RNF216: variants seen among roughly 807,000 people sequenced by gnomAD.
RNF216 encodes E3 ubiquitin-protein ligase RNF216.
RNF216 carries 72 observed loss-of-function variants against 110.8 expected under a neutral mutation model. The observed-to-expected ratio is 0.65, with a 90% CI of 0.54 to 0.79. The LOEUF (loss-of-function observed/expected upper bound fraction) is 0.79. Ranked by LOEUF, RNF216 falls within the 30% of genes least tolerant of loss-of-function variation. The pLI, the probability that RNF216 is intolerant of heterozygous loss-of-function variation, is 0.00. For synonymous variants in RNF216, 495 were observed against 407.5 expected, an observed-to-expected ratio of 1.21 and a Z score of -2.59; for missense variants, 1,342 against 1,141.2, an observed-to-expected ratio of 1.18 and a Z score of -2.54.
intron 13 of RNF216, among the ~76,000 whole-genome samples, chr7:5,689,101 G>A (rs747975314): frequency 1.7e-4 from 26 of 152,064 alleles, no homozygotes; most frequent in Non-Finnish European, 3.5e-4. Context: ...CTATTATATG[G>A]CACCACCATC....
At position 5,660,053 on chromosome 7, in the gene RNF216, C is replaced by T. The variant is rs1485727132; in HGVS notation, c.2062-7543G>A. ...CACTATAACCTTGACCTCCTGGGTG[C>T]AAGCAATTCTCCCGCCTCTATCTTC... is the stretch of plus-strand genomic sequence containing the variant. On this transcript the variant is annotated intron_variant, in intron 13 of 16. Coordinates refer to ENST00000389902, the MANE Select transcript of RNF216 (RefSeq NM_207111.4). 2.7e-5 allele frequency among the ~76,000 whole-genome samples: 4 copies of T among 149,466 alleles called. No homozygotes were observed. In the Admixed American group the frequency reaches 2.7e-4, roughly 10 times the overall value.
At chr7:5,701,643 G>A (rs1249999555) in intron 13 of RNF216, among the ~76,000 whole-genome samples, 1 of 152,220 alleles carries the variant, frequency 6.6e-6, no homozygotes, top group African/African-American at 2.4e-5. Flanking sequence ...GCTAGTGAGT[G>A]GAGGAGCTAG....
At chr7:5,754,904 T>C (rs1427756292) in intron 2 of RNF216, among the ~76,000 whole-genome samples, 1 of 151,942 alleles carries the variant, frequency 6.6e-6, no homozygotes, top group African/African-American at 2.4e-5. Flanking sequence ...GGCATGCAAC[T>C]GTAATCCCAG....
chr7:5,674,765 GT>G (rs1274219720), intron 13 of RNF216, among the ~76,000 whole-genome samples: 3 of 152,120 alleles, frequency 2.0e-5, no homozygotes, highest in Non-Finnish European at 4.4e-5. Flanking sequence ...GGAGGCCGAG[GT>G]TGGCAGATCA....
chr7:5,722,231 G>A (rs1793470764), intron 8 of RNF216, among the ~76,000 whole-genome samples: 1 of 151,776 alleles, frequency 6.6e-6, no homozygotes, highest in African/African-American at 2.4e-5. Flanking sequence ...GCCAATTTAT[G>A]TTTTTCTAGA....
At chr7:5,654,142 A>T (rs1481979226) in intron 13 of RNF216, among the ~76,000 whole-genome samples, 1 of 152,224 alleles carries the variant, frequency 6.6e-6, no homozygotes, top group East Asian at 1.9e-4. Context: ...CTCAGGAGAG[A>T]GGCCATGAAG....
chr7:5,715,007 C>G, intron 11 of RNF216, 46 bp downstream of exon 11: 11 of 1,552,924 alleles, frequency 7.1e-6, no homozygotes, highest in Non-Finnish European at 9.6e-6. Context: ...TCCTTAGACT[C>G]CAGGAATGTG....
At chr7:5,763,602 T>G (rs981388575) in intron 1 of RNF216, among the ~76,000 whole-genome samples, 1 of 152,064 alleles carries the variant, frequency 6.6e-6, no homozygotes, top group Non-Finnish European at 1.5e-5. Flanking sequence ...AGCCAGTCTC[T>G]CTCTGTCATC....
At chr7:5,727,575 TA>T in intron 7 of RNF216, among the ~76,000 whole-genome samples, 3 of 152,038 alleles carry the variant, frequency 2.0e-5, no homozygotes, top group African/African-American at 7.2e-5. Flanking sequence ...AAAAATGAAA[TA>T]AAAAGATCAT....
chr7:5,766,383 A>G (rs1359604824), intron 1 of RNF216, among the ~76,000 whole-genome samples: 1 of 152,162 alleles, frequency 6.6e-6, no homozygotes, highest in Non-Finnish European at 1.5e-5. Flanking sequence ...AAATTCCTAT[A>G]TTGAAGCTCT....
chr7:5,705,640 T>C (rs1792230758), intron 13 of RNF216, among the ~76,000 whole-genome samples: 1 of 152,006 alleles, frequency 6.6e-6, no homozygotes, highest in African/African-American at 2.4e-5. Context: ...CTGGGCACGG[T>C]GGCTCACCCT....
chr7:5,718,736 A>G (rs1294146973), intron 9 of RNF216, among the ~76,000 whole-genome samples: 1 of 152,072 alleles, frequency 6.6e-6, no homozygotes, highest in Non-Finnish European at 1.5e-5. Flanking sequence ...TAGTAGAGAC[A>G]GAGTTTTGCC....
intron 13 of RNF216, among the ~76,000 whole-genome samples, chr7:5,674,267 A>G (rs1406219017): frequency 6.6e-6 from 1 of 151,932 alleles, no homozygotes; most frequent in East Asian, 1.9e-4. Flanking sequence ...TGACCTCATG[A>G]TCCACCCACC....
intron 13 of RNF216, among the ~76,000 whole-genome samples, chr7:5,694,770 A>G (rs939467027): frequency 6.6e-6 from 1 of 152,222 alleles, no homozygotes; most frequent in Non-Finnish European, 1.5e-5. Context: ...CTGGTCTGCC[A>G]GGGTGCACTG....
chr7:5,727,401 C>T (rs1455195274), intron 7 of RNF216, among the ~76,000 whole-genome samples: 2 of 152,142 alleles, frequency 1.3e-5, no homozygotes, highest in Non-Finnish European at 2.9e-5. Flanking sequence ...ATAAGTCTAC[C>T]ATCTACATTT....
rs1452247720 is a variant in RNF216 at position 5,721,118 on chromosome 7, C to A, written c.1559G>T (p.Cys520Phe). 2.5e-6 allele frequency: 4 copies of A among 1,613,988 alleles called. No homozygotes were observed. Among genetic ancestry groups the A allele is most frequent in the Non-Finnish European group, 3.4e-6 (4 of 1,179,838 alleles). Residue 520 changes from cysteine to phenylalanine, a missense_variant, in exon 9 of 17, where the codon TGT (cysteine) becomes TTT (phenylalanine). Cys to Phe is a radical substitution (Grantham distance 205, BLOSUM62 -2). Transcript: ENST00000389902. ...GAGAGCACGTCGGTCATAGGACCTA[C>A]AATGTCGTCGCTTATTTTCAAGAAA... Reference protein sequence around the residue: ...MFFLENKRRHCRSYDRRALLP... With the variant: ...MFFLENKRRHFRSYDRRALLP...
chr7:5,652,678 G>A (rs930549761), intron 13 of RNF216, among the ~76,000 whole-genome samples, 168 bp from the exon 14 acceptor site: 1 of 152,138 alleles, frequency 6.6e-6, no homozygotes, highest in Non-Finnish European at 1.5e-5. Context: ...AATAGAAGAG[G>A]TTAAGAGGTG....
At chr7:5,679,887 G>C (rs1412995337) in intron 13 of RNF216, among the ~76,000 whole-genome samples, 1 of 152,186 alleles carries the variant, frequency 6.6e-6, no homozygotes, top group Non-Finnish European at 1.5e-5. Context: ...AGAGTCCCTG[G>C]GCAGGTGAGC....
rs1055100221 is a variant in RNF216, at chr7:5,729,652, G to A, written c.1225-56C>T. ...GCCAGGCAGTACATTTCCCATACAG[G>A]GGAAATCATTTTAAGAATTACATGT... On this transcript the variant is annotated intron_variant, in intron 6 of 16. Transcript: ENST00000389902. 23 of 1,409,470 alleles carry A rather than the reference G, an allele frequency of 1.6e-5. No homozygotes were observed. The South Asian group carries it at 2.4e-4, about 15-fold the overall frequency. 87.3% of individuals were successfully genotyped at this position (1,409,470 alleles called of 1,614,324 possible). A position where few individuals can be genotyped will look rare whatever the true frequency, so the allele number is the denominator to read the frequency against.
Sources: gnomAD v4.1 joint callset for allele counts (sites outside exome capture counted in the v4.1 genomes callset) on GRCh38, gnomAD v4.1.1 for gene constraint, MANE v1.5 for transcripts, NCBI Gene and HGNC (gene_info 2026-07-23, HGNC 2026-07-21) for gene names.